Variants in NOX1 observed in about 807,000 individuals in gnomAD.
NOX1 encodes NADH/NADPH mitogenic oxidase subunit P65-MOX.
NOX1 carries 34 observed loss-of-function variants against 42.5 expected under a neutral mutation model. The observed-to-expected ratio is 0.80, with a 90% CI of 0.61 to 1.07. The LOEUF is 1.07. Ranked by LOEUF, NOX1 falls within the 50% of genes least tolerant of loss-of-function variation. The probability of loss-of-function intolerance (pLI) is 0.00; values close to 1 mark genes in which losing one functional copy is unlikely to be tolerated. For missense variants in NOX1, 408 were observed against 427.0 expected (o/e 0.96, Z 0.39); for synonymous variants, 143 against 152.5 (o/e 0.94, Z 0.46).
At chrX:100,873,684 T>C (rs1483678254) in intron 1 of NOX1, among the ~76,000 whole-genome samples, 1 of 112,198 alleles carries the variant, frequency 8.9e-6, no homozygotes, top group Non-Finnish European at 1.9e-5. Flanking sequence ...TTACATTATG[T>C]GGTTTGCTAT....
At chrX:100,850,614 TAAAAAATCAAACG>T (rs1325495603) in intron 8 of NOX1, among the ~76,000 whole-genome samples, 1 of 112,423 alleles carries the variant, frequency 8.9e-6, no homozygotes, top group Non-Finnish European at 1.9e-5. Flanking sequence ...AAATAGCTTT[TAAAAAATCAAACG>T]AAAGCTTCCA....
intron 7 of NOX1, among the ~76,000 whole-genome samples, chrX:100,859,404 C>T (rs1241739922): frequency 1.8e-5 from 2 of 111,079 alleles, no homozygotes; most frequent in African/African-American, 6.5e-5. Flanking sequence ...TTTCTTTTTT[C>T]GTTGTATCTC....
chrX:100,843,873 G>T lies in NOX1; in HGVS notation c.*79C>A. 1.1e-6 allele frequency: 1 copy of T among 905,348 alleles called. No individual in the cohort carries two copies. The highest frequency in any genetic ancestry group is 1.6e-6 in the Non-Finnish European group (1 of 637,045). The allele number at this position is 905,348 out of a possible 1,213,427, so 74.6% of individuals were successfully genotyped here. ...GGCACATTCTTATCCTAAAGTGACT[G>T]CTCAAACCTGACGAGACCAAGTAAA... On this transcript the variant is annotated 3_prime_UTR_variant, in exon 13 of 13. Coordinates refer to ENST00000372966, the MANE Select transcript of NOX1 (RefSeq NM_007052.5).
intron 7 of NOX1, among the ~76,000 whole-genome samples, chrX:100,852,457 C>T (rs2085121537): frequency 8.9e-6 from 1 of 111,841 alleles, no homozygotes; most frequent in African/African-American, 3.2e-5. Context: ...AGTGAGACTC[C>T]GTCTCAAAAT....
intron 2 of NOX1, among the ~76,000 whole-genome samples, chrX:100,870,276 G>A (rs1047390306): frequency 1.8e-5 from 2 of 108,861 alleles, no homozygotes; most frequent in Admixed American, 2.0e-4. Flanking sequence ...AAAAGAAATA[G>A]GGGCAGGAGC....
intron 7 of NOX1, among the ~76,000 whole-genome samples, chrX:100,853,307 T>TTTCTTTCTTTC (rs2085136589): frequency 1.1e-5 from 1 of 90,534 alleles, no homozygotes; most frequent in South Asian, 5.6e-4. Flanking sequence ...TCTTTCTTTC[T>TTTCTTTCTTTC]TTCTTTCTTT....
intron 1 of NOX1, 43 bp from the exon 2 acceptor site, chrX:100,870,857 T>A (rs1388655183): frequency 3.5e-6 from 3 of 866,887 alleles, no homozygotes; most frequent in Non-Finnish European, 5.0e-6. Context: ...AAGTGAAATT[T>A]GAGTATGGGA....
At chrX:100,851,472 A>AAAT (rs2085114157) in intron 7 of NOX1, 147 bp from the exon 8 acceptor site, 2 of 340,074 alleles carry the variant, frequency 5.9e-6, no homozygotes, top group Non-Finnish European at 1.0e-5. Flanking sequence ...TGGAAGATGG[A>AAAT]AATAGAAAAA....
chrX:100,853,364 T>C (rs776300737), intron 7 of NOX1, among the ~76,000 whole-genome samples: 16 of 75,460 alleles, frequency 2.1e-4, no homozygotes, highest in Non-Finnish European at 3.3e-4. Context: ...CTTTCTTTCT[T>C]TCTTTTCTTC....
At chrX:100,865,815 CTT>C (rs1328505350) in intron 2 of NOX1, among the ~76,000 whole-genome samples, 5 of 112,338 alleles carry the variant, frequency 4.5e-5, no homozygotes, top group Non-Finnish European at 7.5e-5. Flanking sequence ...AAGACACTAA[CTT>C]GATGTCATTG....
At chrX:100,865,673 G>A (rs2085232546) in intron 2 of NOX1, among the ~76,000 whole-genome samples, 1 of 112,885 alleles carries the variant, frequency 8.9e-6, no homozygotes, top group Non-Finnish European at 1.9e-5. Context: ...TCTCTTAAAA[G>A]GCTGAGAGCT....
chrX:100,873,950 C>T (rs4828071), intron 1 of NOX1, 145 bp downstream of exon 1: 70,245 of 417,265 alleles, frequency 0.17, 4,865 homozygotes, highest in Non-Finnish European at 0.2. Flanking sequence ...ATCTGACCCA[C>T]AGTTGTATTT....
intron 7 of NOX1, chrX:100,855,575 C>T: frequency 1.1e-6 from 1 of 905,774 alleles, no homozygotes; most frequent in Non-Finnish European, 1.6e-6. Context: ...AGCCACTGTC[C>T]TGATTTCCAC....
intron 7 of NOX1, among the ~76,000 whole-genome samples, chrX:100,853,301 T>TCTCTCTCTTTCC (rs2085135748): frequency 1.3e-5 from 1 of 76,189 alleles, no homozygotes; most frequent in African/African-American, 4.6e-5. Context: ...TTTCTTTCTT[T>TCTCTCTCTTTCC]CTTTCTTTCT....
Position 100,870,819 on chromosome X carries a change from A to G in NOX1, c.46-5T>C. The G allele has an allele frequency of 9.1e-7, 1 of 1,100,603 alleles. No individual in the cohort carries two copies. Among genetic ancestry groups the G allele is most frequent in the Non-Finnish European group, 1.2e-6 (1 of 806,651 alleles). The allele number at this position is 1,100,603 out of a possible 1,213,427, so 90.7% of individuals were successfully genotyped here. On this transcript the variant is annotated splice_region_variant and splice_polypyrimidine_tract_variant and intron_variant, in intron 1 of 12. Coordinates refer to ENST00000372966, the MANE Select transcript of NOX1 (RefSeq NM_007052.5). ...ATTCAGCCCTAACCAAACAACCTAGAGAAAGAAAAAAAAACATGCAAAGAA... is the reference window on the plus strand; with the variant it reads ...ATTCAGCCCTAACCAAACAACCTAGGGAAAGAAAAAAAAACATGCAAAGAA...
At position 100,843,726 on chromosome X, in the gene NOX1, G is replaced by C. The variant is rs1263560480; in HGVS notation, c.*226C>G. 4 of 395,567 alleles carry C rather than the reference G, an allele frequency of 1.0e-5. No individual in the cohort carries two copies. The highest frequency in any genetic ancestry group is 2.6e-5 in the African/African-American group (1 of 38,413). 32.6% of individuals were successfully genotyped at this position (395,567 alleles called of 1,213,427 possible). On this transcript the variant is annotated 3_prime_UTR_variant, in exon 13 of 13. Coordinates refer to ENST00000372966, the MANE Select transcript of NOX1 (RefSeq NM_007052.5). ...GATTTACAGTTATTTTTCTGAGAAA[G>C]GATCCATGGGCTTTAAGAACTTCAG...
At position 100,874,005 on chromosome X, in the gene NOX1, A is replaced by T. The variant is rs1053028091; in HGVS notation, c.45+90T>A. 1.0e-5 allele frequency: 7 copies of T among 691,495 alleles called. No individual in the cohort carries two copies. The African/African-American group carries it at 1.5e-4, about 15-fold the overall frequency. The allele number at this position is 691,495 out of a possible 1,213,427, so 57.0% of individuals were successfully genotyped here. On this transcript the variant is annotated intron_variant, in intron 1 of 12. Coordinates refer to ENST00000372966, the MANE Select transcript of NOX1 (RefSeq NM_007052.5). ...TGAGCCCAATAATCGGCATGGAATCATCTTTCTCTTTCAAATTGCTTTACA... is the reference window on the plus strand; with the variant it reads ...TGAGCCCAATAATCGGCATGGAATCTTCTTTCTCTTTCAAATTGCTTTACA...
At chrX:100,853,433 T>C (rs58492874) in intron 7 of NOX1, among the ~76,000 whole-genome samples, 1,645 of 101,262 alleles carry the variant, frequency 0.016, 30 homozygotes, top group African/African-American at 0.057. Flanking sequence ...CTTTTTTTTT[T>C]TTGACAGAGT....
At chrX:100,860,896 GC>G (rs1363579334) in intron 7 of NOX1, among the ~76,000 whole-genome samples, 1 of 110,871 alleles carries the variant, frequency 9.0e-6, no homozygotes, top group East Asian at 2.8e-4. Context: ...ACACCACCAT[GC>G]CCAACTAATT....
Sources: allele counts gnomAD v4.1 joint callset (sites outside exome capture counted in the v4.1 genomes callset), GRCh38; gene constraint gnomAD v4.1.1; transcripts MANE v1.5; gene names NCBI Gene and HGNC (gene_info 2026-07-23, HGNC 2026-07-21).